Variants in LOC400499 observed in about 807,000 individuals in gnomAD.
chr16:11,385,132 TC>T, the LOC400499 span: 1 of 1,230,582 alleles, frequency 8.1e-7, no homozygotes, highest in Non-Finnish European at 1.0e-6. Context: ...GAAAGTGCCA[TC>T]CCCCCAGGCG....
the LOC400499 span, chr16:11,448,118 C>A: frequency 6.6e-7 from 1 of 1,514,312 alleles, no homozygotes. Flanking sequence ...CCAGCAGGAC[C>A]AAGCTGCAGA....
the LOC400499 span, among the ~76,000 whole-genome samples, chr16:11,444,263 T>C: frequency 6.6e-6 from 1 of 152,102 alleles, no homozygotes; most frequent in Non-Finnish European, 1.5e-5. Flanking sequence ...CTGGGTGTGG[T>C]GGTGCACACT....
At chr16:11,463,199 T>C in the LOC400499 span, among the ~76,000 whole-genome samples, 1 of 152,130 alleles carries the variant, frequency 6.6e-6, no homozygotes, top group African/African-American at 2.4e-5. Flanking sequence ...TCTGGAAAAG[T>C]CATGAGCAAC....
chr16:11,443,734 A>C, the LOC400499 span, among the ~76,000 whole-genome samples: 6 of 152,116 alleles, frequency 3.9e-5, no homozygotes, highest in Non-Finnish European at 7.4e-5. Flanking sequence ...CAGAGAGATG[A>C]AATAATTTGC....
chr16:11,469,926 G>A, the LOC400499 span, among the ~76,000 whole-genome samples: 1 of 151,834 alleles, frequency 6.6e-6, no homozygotes, highest in African/African-American at 2.4e-5. Flanking sequence ...TTTTGAGACC[G>A]AGTCCCGCTC....
At chr16:11,514,645 A>AC in the LOC400499 span, 2 of 397,704 alleles carry the variant, frequency 5.0e-6, no homozygotes, top group Non-Finnish European at 8.8e-6. Context: ...AGAGCTGTAG[A>AC]CCCCCCATTC....
the LOC400499 span, among the ~76,000 whole-genome samples, chr16:11,377,183 T>C: frequency 6.6e-6 from 1 of 152,214 alleles, no homozygotes; most frequent in Non-Finnish European, 1.5e-5. Context: ...GCAACTGACT[T>C]TTGTATGTTG....
chr16:11,443,364 G>A, the LOC400499 span: 1 of 398,908 alleles, frequency 2.5e-6, no homozygotes, highest in Non-Finnish European at 4.8e-6. Context: ...AAAAATGATC[G>A]GAGGGGTCTG....
At chr16:11,470,993 G>C in the LOC400499 span, among the ~76,000 whole-genome samples, 1,181 of 152,368 alleles carry the variant, frequency 7.8e-3, 10 homozygotes, top group Non-Finnish European at 0.011. Context: ...TGAGTCTGGA[G>C]GAGAGTCAGG....
chr16:11,488,339 CA>C, the LOC400499 span, among the ~76,000 whole-genome samples: 1 of 150,666 alleles, frequency 6.6e-6, no homozygotes. Flanking sequence ...TTCTGTCTTC[CA>C]AAAAAAGCAG....
At chr16:11,523,644 G>A in the LOC400499 span, 3 of 391,748 alleles carry the variant, frequency 7.7e-6, no homozygotes, top group Non-Finnish European at 9.0e-6. Flanking sequence ...AAGACTGGAA[G>A]TGATTGCCCT....
the LOC400499 span, among the ~76,000 whole-genome samples, chr16:11,511,416 G>C: frequency 1.3e-5 from 2 of 152,238 alleles, no homozygotes; most frequent in South Asian, 2.1e-4. Flanking sequence ...ACAACATAGA[G>C]TCAGAATTTG....
chr16:11,422,457 G>T, the LOC400499 span, among the ~76,000 whole-genome samples: 1 of 152,138 alleles, frequency 6.6e-6, no homozygotes, highest in Non-Finnish European at 1.5e-5. Flanking sequence ...GAAAGGAAAG[G>T]AAAGGAAAAC....
the LOC400499 span, chr16:11,459,983 C>A: frequency 1.1e-5 from 16 of 1,515,846 alleles, no homozygotes; most frequent in Non-Finnish European, 8.8e-6. Flanking sequence ...TGTTCTTGTC[C>A]CAGTGCTTCC....
chr16:11,385,773 T>G, the LOC400499 span, among the ~76,000 whole-genome samples: 7 of 152,278 alleles, frequency 4.6e-5, no homozygotes, highest in African/African-American at 1.7e-4. Context: ...GGCAGATTGG[T>G]GGCTGCAGGG....
the LOC400499 span, among the ~76,000 whole-genome samples, chr16:11,490,471 G>A: frequency 1.3e-4 from 20 of 151,642 alleles, no homozygotes; most frequent in African/African-American, 3.4e-4. Context: ...AGGCTGAGGC[G>A]GGCAGATCAT....
chr16:11,448,515 A>G, the LOC400499 span, among the ~76,000 whole-genome samples: 6 of 56,090 alleles, frequency 1.1e-4, no homozygotes, highest in Non-Finnish European at 2.2e-4. Context: ...CGTGTCTGCT[A>G]AAACAAACAA....
At chr16:11,405,845 A>C in the LOC400499 span, among the ~76,000 whole-genome samples, 1 of 151,858 alleles carries the variant, frequency 6.6e-6, no homozygotes. Flanking sequence ...GATAGAACAC[A>C]ATGCAAACGC....
At chr16:11,426,718 C>A in the LOC400499 span, among the ~76,000 whole-genome samples, 68 of 151,108 alleles carry the variant, frequency 4.5e-4, no homozygotes, top group Non-Finnish European at 2.9e-5. Context: ...TGTTTAAGCT[C>A]AGGCATTCCA....
Sources: allele counts gnomAD v4.1 joint callset (sites outside exome capture counted in the v4.1 genomes callset), GRCh38; gene constraint gnomAD v4.1.1; transcripts MANE v1.5.